ADCY5: variants seen among roughly 807,000 people sequenced by gnomAD.
ADCY5 encodes the protein adenylate cyclase type 5.
ADCY5 carries 30 observed loss-of-function variants against 119.7 expected under a neutral mutation model. The ratio of observed to expected loss-of-function variants is 0.25; its 90% confidence interval spans 0.19 to 0.34. The LOEUF (loss-of-function observed/expected upper bound fraction) is 0.34. Among genes scored for constraint, ADCY5 ranks in the 10% least tolerant of loss-of-function variants. The pLI, the probability that ADCY5 is intolerant of heterozygous loss-of-function variation, is 1.00. For missense variants in ADCY5, 1,324 were observed against 1,775.2 expected, an observed-to-expected ratio of 0.75 and a Z score of 4.57; for synonymous variants, 753 against 762.2, an observed-to-expected ratio of 0.99 and a Z score of 0.20.
chr3:123,416,105 G>A, intron 1 of ADCY5: 2 of 1,494,096 alleles, frequency 1.3e-6, no homozygotes, highest in African/African-American at 1.4e-5. Context: ...TGTCCAAGAA[G>A]GTGGAAGGGC....
At chr3:123,429,101 A>G (rs1200380097) in intron 1 of ADCY5, among the ~76,000 whole-genome samples, 1 of 152,140 alleles carries the variant, frequency 6.6e-6, no homozygotes, top group Non-Finnish European at 1.5e-5. Flanking sequence ...CATGCCTGAC[A>G]CTCTGCGTGT....
intron 1 of ADCY5, among the ~76,000 whole-genome samples, chr3:123,358,155 CGTGTGTGTGTGTGT>C (rs6148049): frequency 0.016 from 2,217 of 140,960 alleles, 57 homozygotes; most frequent in African/African-American, 0.059. Flanking sequence ...ACATGGAACA[CGTGTGTGTGTGTGT>C]GTGTGTGTGT....
At chr3:123,415,044 G>C (rs1278607895) in intron 1 of ADCY5, among the ~76,000 whole-genome samples, 1 of 152,160 alleles carries the variant, frequency 6.6e-6, no homozygotes, top group Admixed American at 6.5e-5. Flanking sequence ...AAGATCCTTG[G>C]GGTGAGCTAC....
intron 15 of ADCY5, among the ~76,000 whole-genome samples, chr3:123,299,068 A>C (rs1939684025): frequency 1.3e-5 from 2 of 152,330 alleles, no homozygotes; most frequent in South Asian, 4.1e-4. Context: ...TGTACTGATT[A>C]ATGCATAATC....
At chr3:123,419,681 C>T (rs1945260650) in intron 1 of ADCY5, among the ~76,000 whole-genome samples, 1 of 152,136 alleles carries the variant, frequency 6.6e-6, no homozygotes, top group Non-Finnish European at 1.5e-5. Flanking sequence ...ACATACGTGG[C>T]ACATTCCAGC....
At chr3:123,437,282 C>T (rs1031166209) in intron 1 of ADCY5, among the ~76,000 whole-genome samples, 8 of 152,118 alleles carry the variant, frequency 5.3e-5, no homozygotes, top group Admixed American at 2.0e-4. Context: ...TTGAATGCTG[C>T]TCTCAGGAAG....
chr3:123,348,093 G>A (rs2108483666), intron 2 of ADCY5, among the ~76,000 whole-genome samples, 190 bp from the exon 3 acceptor site: 1 of 149,570 alleles, frequency 6.7e-6, no homozygotes, highest in South Asian at 2.2e-4. Flanking sequence ...GTGTGTGCAG[G>A]ATACCTGTCC....
chr3:123,378,362 C>CA (rs1943915527), intron 1 of ADCY5, among the ~76,000 whole-genome samples: 1 of 151,880 alleles, frequency 6.6e-6, no homozygotes, highest in Non-Finnish European at 1.5e-5. Context: ...CAGGTGAGAC[C>CA]ACGCCACAGG....
chr3:123,438,002 C>T (rs1335281805), intron 1 of ADCY5, among the ~76,000 whole-genome samples: 1 of 152,164 alleles, frequency 6.6e-6, no homozygotes, highest in African/African-American at 2.4e-5. Flanking sequence ...AGGCAGCAGG[C>T]TGATGCAGTC....
At chr3:123,383,420 T>A (rs1400642722) in intron 1 of ADCY5, among the ~76,000 whole-genome samples, 1 of 152,200 alleles carries the variant, frequency 6.6e-6, no homozygotes, top group Non-Finnish European at 1.5e-5. Flanking sequence ...TCTCCACTCA[T>A]GGCTTTATGT....
intron 11 of ADCY5, among the ~76,000 whole-genome samples, chr3:123,317,784 G>A (rs1487635191): frequency 6.7e-6 from 1 of 150,096 alleles, no homozygotes; most frequent in African/African-American, 2.4e-5. Context: ...CTTTCATGCA[G>A]CTGTGCAGCG....
At chr3:123,440,645 T>G (rs1186015569) in intron 1 of ADCY5, among the ~76,000 whole-genome samples, 1 of 152,122 alleles carries the variant, frequency 6.6e-6, no homozygotes, top group Non-Finnish European at 1.5e-5. Context: ...CTCCACCCCC[T>G]GACTTCCTCA....
At chr3:123,312,279 G>A (rs1458504039) in intron 12 of ADCY5, among the ~76,000 whole-genome samples, 2 of 152,180 alleles carry the variant, frequency 1.3e-5, no homozygotes, top group African/African-American at 4.8e-5. Flanking sequence ...AATAAATAAT[G>A]ACTTTGCCTC....
intron 1 of ADCY5, among the ~76,000 whole-genome samples, chr3:123,374,275 C>A (rs781444452): frequency 6.6e-6 from 1 of 152,080 alleles, no homozygotes; most frequent in South Asian, 2.1e-4. Flanking sequence ...GATCAGAGAG[C>A]GACAGATGAT....
At chr3:123,447,279 C>T (rs1041306357) in intron 1 of ADCY5, 133 bp downstream of exon 1, 7 of 1,045,244 alleles carry the variant, frequency 6.7e-6, no homozygotes, top group Non-Finnish European at 9.3e-6. Context: ...TCCCAAATAG[C>T]CTACATGGCC....
At chr3:123,301,487 T>C (rs72964520) in intron 14 of ADCY5, among the ~76,000 whole-genome samples, 5,392 of 152,290 alleles carry the variant, frequency 0.035, 329 homozygotes, top group African/African-American at 0.12. Context: ...AAAAGCCAGC[T>C]TGGATTCCCA....
intron 7 of ADCY5, among the ~76,000 whole-genome samples, chr3:123,326,761 G>T (rs943351252): frequency 6.6e-6 from 1 of 152,152 alleles, no homozygotes; most frequent in Non-Finnish European, 1.5e-5. Context: ...TCTGTCCCCT[G>T]GGGTACTGCA....
intron 1 of ADCY5, among the ~76,000 whole-genome samples, chr3:123,384,612 G>T (rs530274540): frequency 6.6e-6 from 1 of 152,304 alleles, no homozygotes; most frequent in Non-Finnish European, 1.5e-5. Flanking sequence ...AGCTCCAGGG[G>T]ACTGCTGGAC....
rs1942853694 is a variant in ADCY5 at position 123,352,035 on chromosome 3, C to T, written c.1284+397G>A. On this transcript the variant is annotated intron_variant, in intron 2 of 20. Coordinates refer to ENST00000462833, the MANE Select transcript of ADCY5 (RefSeq NM_183357.3). The surrounding 1 kb of genome is among the most constrained non-coding windows in gnomAD (Gnocchi z 4.8). ...TCCCTCATCCCTCCCCTGCGGAGCA[C>T]CTTAATCCCAGTTAGGAATGCTGGC... Among the ~76,000 whole-genome samples, 1 of 152,212 alleles carries T rather than the reference C, an allele frequency of 6.6e-6. No homozygotes were observed. The highest frequency in any genetic ancestry group is 2.4e-5 in the African/African-American group (1 of 41,456).
Sources: gnomAD v4.1 joint callset for allele counts (sites outside exome capture counted in the v4.1 genomes callset) on GRCh38, gnomAD v4.1.1 for gene constraint, Gnocchi (gnomAD v3.1) non-coding constraint, MANE v1.5 for transcripts, NCBI Gene and HGNC (gene_info 2026-07-23, HGNC 2026-07-21) for gene names.